The following XPR1 variants were observed in gnomAD, a reference collection of about 807,000 sequenced individuals.
The protein encoded by XPR1 is xenotropic and polytropic retrovirus receptor 1, also known as solute carrier family 53 member 1.
Under a neutral mutation model 87.5 loss-of-function variants are expected in XPR1, and 28 were observed. The ratio of observed to expected loss-of-function variants is 0.32; its 90% confidence interval spans 0.24 to 0.44. The LOEUF is 0.44. Ranked by LOEUF, XPR1 falls within the 20% of genes least tolerant of loss-of-function variation. The pLI, the probability that XPR1 is intolerant of heterozygous loss-of-function variation, is 1.00. For missense variants in XPR1, 559 were observed against 862.3 expected (o/e 0.65, Z 4.41); for synonymous variants, 300 against 306.1 (o/e 0.98, Z 0.21).
chr1:180,733,278 A>G (rs564108422), intron 2 of XPR1, among the ~76,000 whole-genome samples: 31 of 152,264 alleles, frequency 2.0e-4, no homozygotes, highest in African/African-American at 7.5e-4. Flanking sequence ...TCCTAGCCCT[A>G]GCTGGGAACC....
At chr1:180,776,914 T>C (rs1253686940) in intron 2 of XPR1, among the ~76,000 whole-genome samples, 2 of 152,192 alleles carry the variant, frequency 1.3e-5, no homozygotes, top group African/African-American at 4.8e-5. Context: ...TAGTTAAACC[T>C]CACCTGATAA....
At chr1:180,805,084 A>G (rs1438726944) in intron 4 of XPR1, among the ~76,000 whole-genome samples, 3 of 152,208 alleles carry the variant, frequency 2.0e-5, no homozygotes, top group East Asian at 1.9e-4. Flanking sequence ...GGGGTCATCT[A>G]TTCTGTAAGA....
intron 2 of XPR1, among the ~76,000 whole-genome samples, chr1:180,738,862 C>T (rs1658822111): frequency 6.6e-6 from 1 of 152,160 alleles, no homozygotes; most frequent in South Asian, 2.1e-4. Context: ...TAACAGTGGC[C>T]TTCACATAGC....
At chr1:180,820,635 C>G (rs1650593647) in intron 7 of XPR1, among the ~76,000 whole-genome samples, 1 of 152,128 alleles carries the variant, frequency 6.6e-6, no homozygotes, top group Non-Finnish European at 1.5e-5. Context: ...GAGGAGCCAC[C>G]AAACTGTTTT....
intron 3 of XPR1, among the ~76,000 whole-genome samples, chr1:180,799,948 A>T (rs1381100943): frequency 6.6e-6 from 1 of 152,212 alleles, no homozygotes; most frequent in East Asian, 1.9e-4. Context: ...TTAAGAGAGG[A>T]TGTGGTAGGT....
chr1:180,692,085 C>T (rs1657013176), intron 2 of XPR1, among the ~76,000 whole-genome samples: 1 of 152,086 alleles, frequency 6.6e-6, no homozygotes, highest in Admixed American at 6.6e-5. Context: ...AGCTATAAAA[C>T]AGTTTGATGT....
At chr1:180,785,277 C>T (rs956358785) in intron 2 of XPR1, among the ~76,000 whole-genome samples, 1 of 151,764 alleles carries the variant, frequency 6.6e-6, no homozygotes, top group African/African-American at 2.4e-5. Flanking sequence ...CTCAGCCTCC[C>T]GAGTAGCTAG....
At chr1:180,693,474 A>T (rs968313594) in intron 2 of XPR1, among the ~76,000 whole-genome samples, 2 of 152,238 alleles carry the variant, frequency 1.3e-5, no homozygotes, top group African/African-American at 4.8e-5. Flanking sequence ...TGAAGAAAAA[A>T]AGGTAGTCAA....
At chr1:180,673,621 C>T (rs1468896618) in intron 1 of XPR1, among the ~76,000 whole-genome samples, 2 of 152,212 alleles carry the variant, frequency 1.3e-5, no homozygotes, top group African/African-American at 2.4e-5. Flanking sequence ...ACATCAGCAA[C>T]GGCGTTAGAT....
At chr1:180,862,052 T>A (rs1571902534) in intron 11 of XPR1, among the ~76,000 whole-genome samples, 1 of 152,268 alleles carries the variant, frequency 6.6e-6, no homozygotes, top group East Asian at 1.9e-4. Context: ...TATAAAGTTA[T>A]GTAAGTTAAT....
At chr1:180,704,814 G>GTTTGT (rs1332058617) in intron 2 of XPR1, among the ~76,000 whole-genome samples, 1 of 51,960 alleles carries the variant, frequency 1.9e-5, no homozygotes, top group Non-Finnish European at 3.5e-5. Flanking sequence ...ACTGTTGGTT[G>GTTTGT]TTTTTTTTTT....
intron 2 of XPR1, among the ~76,000 whole-genome samples, chr1:180,771,660 G>A (rs12073140): frequency 0.043 from 6,549 of 152,196 alleles, 503 homozygotes; most frequent in African/African-American, 0.15. Flanking sequence ...TGCGTATTGT[G>A]CTTTGATAAT....
intron 11 of XPR1, among the ~76,000 whole-genome samples, chr1:180,852,138 T>A (rs2102191111): frequency 6.6e-6 from 1 of 151,872 alleles, no homozygotes; most frequent in East Asian, 1.9e-4. Flanking sequence ...TTGTATAGGG[T>A]ATAAGGTGGT....
chr1:180,756,993 A>G (rs562178188), intron 2 of XPR1, among the ~76,000 whole-genome samples: 4 of 152,306 alleles, frequency 2.6e-5, no homozygotes, highest in South Asian at 4.1e-4. Flanking sequence ...CTGGACTCTC[A>G]ATTCTTTTTC....
At chr1:180,697,595 CT>C (rs1486459054) in intron 2 of XPR1, among the ~76,000 whole-genome samples, 7 of 152,048 alleles carry the variant, frequency 4.6e-5, no homozygotes, top group African/African-American at 1.4e-4. Flanking sequence ...TTGCTATAAA[CT>C]TTCCTCAGCA....
intron 1 of XPR1, among the ~76,000 whole-genome samples, chr1:180,676,249 G>A (rs1430443735): frequency 1.3e-5 from 2 of 152,028 alleles, no homozygotes; most frequent in African/African-American, 4.8e-5. Flanking sequence ...ACTATTTATT[G>A]AGCGCCTACT....
intron 2 of XPR1, among the ~76,000 whole-genome samples, chr1:180,715,803 G>T (rs146096658): frequency 6.6e-6 from 1 of 151,812 alleles, no homozygotes; most frequent in Admixed American, 6.6e-5. Flanking sequence ...CTCCTGAGTA[G>T]CTGGAATTAC....
In XPR1 at chr1:180,836,667, C is replaced by T. The variant is rs777249221; in HGVS notation, c.1452C>T (p.Ser484=). The part of the protein sequence containing the change: ...FPHLVNAGKY[S]TTFFMVTFAA... Reference sequence around the variant, plus strand: ...ATTTAGTTAATGCTGGCAAATACTCCACAACTTTCTTCATGGTGACGTTTG... The same window carrying T: ...ATTTAGTTAATGCTGGCAAATACTCTACAACTTTCTTCATGGTGACGTTTG... Residue 484 remains serine (S), a synonymous_variant, in exon 11 of 15, where the codon TCC becomes TCT. Coordinates refer to ENST00000367590, the MANE Select transcript of XPR1 (RefSeq NM_004736.4). 6.2e-6 allele frequency: 10 copies of T among 1,614,130 alleles called. No homozygotes were observed. The highest frequency in any genetic ancestry group is 8.5e-6 in the Non-Finnish European group (10 of 1,180,040).
intron 11 of XPR1, among the ~76,000 whole-genome samples, chr1:180,857,987 C>G (rs761464758): frequency 6.6e-6 from 1 of 152,130 alleles, no homozygotes; most frequent in African/African-American, 2.4e-5. Flanking sequence ...TAGGCCGAGG[C>G]AGGCAGATCA....
Sources: gnomAD v4.1 joint callset for allele counts (sites outside exome capture counted in the v4.1 genomes callset) on GRCh38, gnomAD v4.1.1 for gene constraint, MANE v1.5 for transcripts, NCBI Gene and HGNC (gene_info 2026-07-23, HGNC 2026-07-21) for gene names.